MAST4: variants seen among roughly 807,000 people sequenced by gnomAD.
The protein encoded by MAST4 is microtubule associated serine/threonine kinase family member 4.
In MAST4, 89 loss-of-function variants were observed where a neutral mutation model predicts 162.7. The ratio of observed to expected loss-of-function variants is 0.55; its 90% CI spans 0.46 to 0.65. MAST4 has a LOEUF of 0.65. Among genes scored for constraint, MAST4 ranks in the 30% least tolerant of loss-of-function variants. The pLI, the probability that MAST4 is intolerant of heterozygous loss-of-function variation, is 0.00. For missense variants in MAST4, 3,153 were observed against 3,374.0 expected (o/e 0.93, Z 1.62); for synonymous variants, 1,479 against 1,361.1 (o/e 1.09, Z -1.91).
intron 26 of MAST4, among the ~76,000 whole-genome samples, chr5:67,156,949 CTG>C (rs1378458949): frequency 6.6e-6 from 1 of 152,232 alleles, no homozygotes; most frequent in African/African-American, 2.4e-5. Context: ...TTTCTTCACA[CTG>C]TGCACCAGTC....
At chr5:66,964,984 T>C (rs1393961165) in intron 4 of MAST4, among the ~76,000 whole-genome samples, 1 of 152,170 alleles carries the variant, frequency 6.6e-6, no homozygotes, top group Non-Finnish European at 1.5e-5. Flanking sequence ...AGTGGGACAA[T>C]TTAACAAATT....
At chr5:66,597,149 C>T (rs1742235331) in intron 1 of MAST4, 131 bp downstream of exon 1, 2 of 1,173,812 alleles carry the variant, frequency 1.7e-6, no homozygotes, top group Non-Finnish European at 2.1e-6. Context: ...AGCGCTCTGC[C>T]CCGAGCACGG....
At position 67,165,708 on chromosome 5, in the gene MAST4, C is replaced by G. The variant is rs1561210301; in HGVS notation, c.6529C>G (p.Gln2177Glu). The change falls in exon 29 of 29, where the codon CAG (glutamine) becomes GAG (glutamate). Residue 2177 changes from glutamine (Q) to glutamate (E), a missense_variant. Gln to Glu is a conservative substitution (Grantham distance 29, BLOSUM62 2). Around this residue, in one of 7 missense-constraint regions of MAST4, gnomAD observed 1,644 missense variants for 1,495.0 expected, o/e 1.10. Coordinates refer to ENST00000403625, the MANE Select transcript of MAST4 (RefSeq NM_001164664.2). Reference sequence around the variant, plus strand: ...CACTGCAGAGCCCAGCTCGAGCCCCCAGGACCCTCCCAAGCCTGTTGCTGC... The same window carrying G: ...CACTGCAGAGCCCAGCTCGAGCCCCGAGGACCCTCCCAAGCCTGTTGCTGC... ...PSTAEPSSSP[Q>E]DPPKPVAAHS... 4 of 1,577,464 alleles carry G rather than the reference C, an allele frequency of 2.5e-6. No homozygotes were observed. In the South Asian group the frequency reaches 4.6e-5, roughly 18 times the overall value.
At chr5:66,619,865 A>G (rs1224832064) in intron 1 of MAST4, among the ~76,000 whole-genome samples, 1 of 151,854 alleles carries the variant, frequency 6.6e-6, no homozygotes, top group Non-Finnish European at 1.5e-5. Context: ...AATTCTTACC[A>G]ACACTGTATA....
intron 19 of MAST4, among the ~76,000 whole-genome samples, chr5:67,137,308 TC>T (rs1769787144): frequency 6.6e-6 from 1 of 152,234 alleles, no homozygotes; most frequent in African/African-American, 2.4e-5. Context: ...TATTCCCTTT[TC>T]TTCTCTGTAT....
chr5:66,803,535 C>A (rs1201359098), intron 3 of MAST4, among the ~76,000 whole-genome samples: 1 of 152,018 alleles, frequency 6.6e-6, no homozygotes, highest in Admixed American at 6.6e-5. Flanking sequence ...TTATTTAGGA[C>A]TTTAATGTTT....
rs1359234884 is a variant in MAST4 at position 67,164,939 on chromosome 5, G to A, written c.5760G>A (p.Gln1920=). The A allele has an allele frequency of 6.2e-6, 10 of 1,613,818 alleles. No individual in the cohort carries two copies. In the South Asian group the frequency reaches 9.9e-5, roughly 16 times the overall value. Residue 1920 remains glutamine, a synonymous_variant, in exon 29 of 29, where the codon CAG becomes CAA. Coordinates refer to ENST00000403625, the MANE Select transcript of MAST4 (RefSeq NM_001164664.2). The surrounding 1 kb of genome is among the most constrained non-coding windows in gnomAD (Gnocchi z 5.3). The stretch of plus-strand genomic sequence containing the variant: ...CAGTCATGGAAAGCAATCCCCAACA[G>A]AGAGAGGGCAGCTCCCCTAAACACC... ...PGTVMESNPQ[Q]REGSSPKHQD...
chr5:67,163,912 C>T lies in MAST4; in HGVS notation c.4733C>T (p.Pro1578Leu), dbSNP rs979897084. Residue 1578 changes from proline (P) to leucine (L), a missense_variant, in exon 29 of 29, where the codon CCG (proline) becomes CTG (leucine). Coordinates refer to ENST00000403625, the MANE Select transcript of MAST4 (RefSeq NM_001164664.2). The surrounding 1 kb of genome is among the most constrained non-coding windows in gnomAD (Gnocchi z 7.0). ...KLEEREKKVY[P>L]KAVERSSTFE... ...GAAGAGAGAGAGAAGAAAGTCTATC[C>T]GAAGGCTGTGGAAAGGTCAAGTACT... The T allele has an allele frequency of 1.2e-6, 2 of 1,613,944 alleles. No individual in the cohort carries two copies. Among genetic ancestry groups the T allele is most frequent in the South Asian group, 1.1e-5 (1 of 91,060 alleles).
At chr5:66,807,293 G>A (rs1401380452) in intron 3 of MAST4, among the ~76,000 whole-genome samples, 1 of 151,950 alleles carries the variant, frequency 6.6e-6, no homozygotes, top group South Asian at 2.1e-4. Flanking sequence ...TCAGGAGATC[G>A]AGACCATCCT....
chr5:67,091,071 G>A (rs1366237535), intron 6 of MAST4, among the ~76,000 whole-genome samples: 1 of 152,012 alleles, frequency 6.6e-6, no homozygotes, highest in Admixed American at 6.6e-5. Context: ...GTTTTCCTCA[G>A]AGACCTAACT....
intron 3 of MAST4, among the ~76,000 whole-genome samples, chr5:66,858,326 G>A (rs1245434872): frequency 6.6e-6 from 1 of 152,048 alleles, no homozygotes; most frequent in Non-Finnish European, 1.5e-5. Context: ...AAATTTTAAA[G>A]TTGTGTTTTG....
intron 1 of MAST4, among the ~76,000 whole-genome samples, chr5:66,611,519 A>G (rs542179609): frequency 2.8e-4 from 43 of 152,368 alleles, no homozygotes; most frequent in Non-Finnish European, 5.7e-4. Flanking sequence ...CAAAGGCCCC[A>G]TCAAAGTAGT....
intron 3 of MAST4, among the ~76,000 whole-genome samples, chr5:66,852,463 A>G (rs1580656813): frequency 6.6e-6 from 1 of 152,166 alleles, no homozygotes; most frequent in East Asian, 1.9e-4. Flanking sequence ...TCCATTTTAT[A>G]GAAGAGGAAA....
intron 4 of MAST4, among the ~76,000 whole-genome samples, chr5:66,937,930 T>C (rs1314338470): frequency 2.0e-5 from 3 of 152,084 alleles, no homozygotes; most frequent in Non-Finnish European, 4.4e-5. Flanking sequence ...AGTTTTGTTT[T>C]TATGTTAATA....
At chr5:66,928,668 T>G (rs1361685511) in intron 4 of MAST4, among the ~76,000 whole-genome samples, 1 of 152,226 alleles carries the variant, frequency 6.6e-6, no homozygotes, top group African/African-American at 2.4e-5. Flanking sequence ...TTTCTCAAAC[T>G]TATAGATGCA....
intron 4 of MAST4, among the ~76,000 whole-genome samples, chr5:67,002,985 C>A (rs772393569): frequency 6.7e-6 from 1 of 150,196 alleles, no homozygotes; most frequent in Non-Finnish European, 1.5e-5. Flanking sequence ...TGTTGCTAAA[C>A]ATCCTCCAAT....
chr5:67,002,058 G>T (rs1326574032), intron 4 of MAST4: 1 of 151,982 alleles, frequency 6.6e-6, no homozygotes, highest in African/African-American at 2.4e-5. Flanking sequence ...ACCTACAAGT[G>T]AGCACAAAAA....
At chr5:66,741,424 C>G (rs1232111002) in intron 1 of MAST4, among the ~76,000 whole-genome samples, 2 of 152,016 alleles carry the variant, frequency 1.3e-5, no homozygotes, top group Non-Finnish European at 2.9e-5. Context: ...CTATAAAGGG[C>G]CAGATAGTAA....
intron 3 of MAST4, among the ~76,000 whole-genome samples, chr5:66,894,298 A>G (rs964663805): frequency 2.6e-5 from 4 of 152,174 alleles, no homozygotes; most frequent in African/African-American, 9.7e-5. Context: ...GTATTTTTAA[A>G]AACTCCCTGG....
Sources: gnomAD v4.1 joint callset for allele counts (sites outside exome capture counted in the v4.1 genomes callset) on GRCh38, gnomAD v4.1.1 for gene constraint, gnomAD v4.1.1 regional missense constraint, Gnocchi (gnomAD v3.1) non-coding constraint, MANE v1.5 for transcripts, NCBI Gene and HGNC (gene_info 2026-07-23, HGNC 2026-07-21) for gene names.